The following EFR3A variants were observed in gnomAD, a reference collection of about 807,000 sequenced individuals.
The protein encoded by EFR3A is EFR3 homolog A, also known as protein EFR3 homolog A.
EFR3A carries 76 observed loss-of-function variants against 104.4 expected under a neutral mutation model. That is an observed-to-expected ratio of 0.73 (90% CI 0.60 to 0.88). The LOEUF (loss-of-function observed/expected upper bound fraction) is 0.88, where lower values mean the gene tolerates loss of function less well. Among genes scored for constraint, EFR3A ranks in the 40% least tolerant of loss-of-function variants. The pLI, the probability that EFR3A is intolerant of heterozygous loss-of-function variation, is 0.00. For missense variants in EFR3A, 985 were observed against 1,012.5 expected (o/e 0.97, Z 0.37); for synonymous variants, 330 against 330.0 (o/e 1.00, Z 0.00).
chr8:131,984,963 T>A lies in EFR3A; in HGVS notation c.1772T>A (p.Met591Lys), dbSNP rs1820803091. Residue 591 changes from methionine (M) to lysine (K), a missense_variant, in exon 16 of 23, where the codon ATG (methionine) becomes AAG (lysine). By Grantham distance (95) the Met-to-Lys change is moderately conservative. Coordinates refer to ENST00000254624, the MANE Select transcript of EFR3A (RefSeq NM_015137.6). ...SAIINEDNLP[M>K]FHRCGIMALV... The stretch of plus-strand genomic sequence containing the variant: ...ATTATCAATGAGGATAATTTGCCAA[T>A]GTTCCATCGTTGTGGAATCATGGCA... 1 of 1,613,568 alleles carries A rather than the reference T, an allele frequency of 6.2e-7. No individual in the cohort carries two copies. Among genetic ancestry groups the A allele is most frequent in the Non-Finnish European group, 8.5e-7 (1 of 1,179,594 alleles).
intron 9 of EFR3A, 28 bp downstream of exon 9, chr8:131,968,458 G>A: frequency 6.2e-7 from 1 of 1,609,842 alleles, no homozygotes; most frequent in Non-Finnish European, 8.5e-7. Context: ...AAATAAAATA[G>A]TGCGTTGATC....
Position 131,940,590 on chromosome 8 carries a change from A to G in EFR3A, c.87+15A>G, listed in dbSNP as rs936178817. On this transcript the variant is annotated intron_variant, in intron 2 of 22. Coordinates refer to ENST00000254624, the MANE Select transcript of EFR3A (RefSeq NM_015137.6). ...AAGATCCAAAAGTAATTTGATCTAC[A>G]TCTACTGATCCTTCTCTTTGCTGAC... The G allele has an allele frequency of 3.1e-6, 5 of 1,597,580 alleles. No individual in the cohort carries two copies. The African/African-American group carries it at 4.0e-5, about 13-fold the overall frequency.
In EFR3A at chr8:132,011,034, A is replaced by C; in HGVS notation, c.*139A>C. On this transcript the variant is annotated 3_prime_UTR_variant, in exon 23 of 23. Coordinates refer to ENST00000254624, the MANE Select transcript of EFR3A (RefSeq NM_015137.6). ...ACATATCTTTAACCAAATGTTTGGC[A>C]TACCATATTAGAAGTTTTGGAGCTA... is the stretch of plus-strand genomic sequence containing the variant. 7.7e-7 allele frequency: 1 copy of C among 1,300,936 alleles called. No individual in the cohort carries two copies. The highest frequency in any genetic ancestry group is 2.8e-5 in the South Asian group (1 of 35,898). The allele number at this position is 1,300,936 out of a possible 1,614,324, so 80.6% of individuals were successfully genotyped here.
chr8:131,931,268 T>C (rs561472034), intron 1 of EFR3A, among the ~76,000 whole-genome samples: 1 of 152,302 alleles, frequency 6.6e-6, no homozygotes, highest in South Asian at 2.1e-4. Context: ...ATTGTATTTA[T>C]TCCAAGGCAA....
intron 18 of EFR3A, among the ~76,000 whole-genome samples, chr8:131,991,014 G>A (rs1235226433): frequency 6.6e-6 from 1 of 152,102 alleles, no homozygotes; most frequent in African/African-American, 2.4e-5. Flanking sequence ...TCACACTGCT[G>A]ATAGAGACAT....
intron 10 of EFR3A, among the ~76,000 whole-genome samples, chr8:131,972,401 T>G (rs1820111039): frequency 6.6e-6 from 1 of 151,836 alleles, no homozygotes; most frequent in African/African-American, 2.4e-5. Flanking sequence ...GAGACTAAGA[T>G]CTGGATGCTA....
intron 4 of EFR3A, among the ~76,000 whole-genome samples, chr8:131,948,303 T>G (rs1818533561): frequency 6.6e-6 from 1 of 152,104 alleles, no homozygotes; most frequent in African/African-American, 2.4e-5. Context: ...TCTCCTTGCC[T>G]CGGTTTTTCA....
intron 2 of EFR3A, among the ~76,000 whole-genome samples, chr8:131,941,257 A>G (rs923805922): frequency 2.6e-5 from 4 of 152,054 alleles, no homozygotes; most frequent in African/African-American, 9.7e-5. Flanking sequence ...ACTGGTTTCA[A>G]AGCAACTGGT....
At chr8:131,979,856 ATGAGT>A (rs2130737225) in intron 14 of EFR3A, among the ~76,000 whole-genome samples, 1 of 152,284 alleles carries the variant, frequency 6.6e-6, no homozygotes, top group South Asian at 2.1e-4. Flanking sequence ...GGATATAAAG[ATGAGT>A]TGGGCAGGAT....
chr8:132,013,076 C>G lies in EFR3A; in HGVS notation c.*2181C>G, dbSNP rs920964187. ...ATATCTGCAAGAGATTCTGCAGGAA[C>G]TGGGTGTGCACACGGTGTTGTAGCC... On this transcript the variant is annotated 3_prime_UTR_variant, in exon 23 of 23. Transcript: ENST00000254624. 2.0e-5 allele frequency: 3 copies of G among 152,184 alleles called. No individual in the cohort carries two copies. Among genetic ancestry groups the G allele is most frequent in the Non-Finnish European group, 2.9e-5 (2 of 68,036 alleles). The allele number at this position is 152,184 out of a possible 1,614,324, so 9.4% of individuals were successfully genotyped here.
intron 19 of EFR3A, among the ~76,000 whole-genome samples, chr8:131,998,967 T>C (rs1368760487): frequency 1.3e-5 from 2 of 152,030 alleles, no homozygotes; most frequent in African/African-American, 4.8e-5. Context: ...AACAGAGGCA[T>C]CTCTGTCTCC....
Position 131,987,670 on chromosome 8 carries a change from G to A in EFR3A, c.2033G>A (p.Arg678Lys). Residue 678 changes from arginine (R) to lysine (K), a missense_variant, in exon 18 of 23, where the codon AGA becomes AAA. By Grantham distance (26) the Arg-to-Lys change is conservative. Transcript: ENST00000254624. The part of the protein sequence containing the change: ...SLGGSGYSVE[R>K]LSVPYVPQVT... ...GGTGGAAGTGGATATAGTGTTGAGAGATTGTCAGTTCCGTATGTACCACAA... is the reference window on the plus strand; with the variant it reads ...GGTGGAAGTGGATATAGTGTTGAGAAATTGTCAGTTCCGTATGTACCACAA... 6.3e-7 allele frequency: 1 copy of A among 1,596,662 alleles called. No individual in the cohort carries two copies. The highest frequency in any genetic ancestry group is 1.1e-5 in the South Asian group (1 of 88,170).
At chr8:131,963,332 A>C (rs1451273656) in intron 8 of EFR3A, among the ~76,000 whole-genome samples, 1 of 152,232 alleles carries the variant, frequency 6.6e-6, no homozygotes, top group Non-Finnish European at 1.5e-5. Flanking sequence ...AGCAAGACTA[A>C]TACAGAAGAA....
intron 14 of EFR3A, among the ~76,000 whole-genome samples, chr8:131,981,021 T>TTTTA (rs1343707584): frequency 1.6e-5 from 2 of 126,028 alleles, no homozygotes; most frequent in African/African-American, 5.6e-5. Flanking sequence ...GTATTTCATT[T>TTTTA]TATATATATA....
At chr8:131,998,964 G>A (rs1293401013) in intron 19 of EFR3A, among the ~76,000 whole-genome samples, 5 of 151,824 alleles carry the variant, frequency 3.3e-5, no homozygotes, top group African/African-American at 1.2e-4. Context: ...TAGAACAGAG[G>A]CATCTCTGTC....
At chr8:131,936,039 T>C (rs928514598) in intron 1 of EFR3A, among the ~76,000 whole-genome samples, 5 of 152,028 alleles carry the variant, frequency 3.3e-5, no homozygotes, top group African/African-American at 1.2e-4. Flanking sequence ...ATACTATCAG[T>C]TTCACCTTGA....
At chr8:131,962,013 A>G (rs888755734) in intron 8 of EFR3A, among the ~76,000 whole-genome samples, 6 of 152,326 alleles carry the variant, frequency 3.9e-5, no homozygotes, top group African/African-American at 1.2e-4. Flanking sequence ...AAATGCTGAG[A>G]GATTTTGTCA....
At chr8:131,999,914 A>G (rs1378344786) in intron 19 of EFR3A, among the ~76,000 whole-genome samples, 3 of 152,158 alleles carry the variant, frequency 2.0e-5, no homozygotes, top group African/African-American at 4.8e-5. Context: ...GACTGGAGGT[A>G]GAGGCCAGTT....
intron 15 of EFR3A, 97 bp from the exon 16 acceptor site, chr8:131,984,832 G>A: frequency 1.7e-6 from 2 of 1,166,886 alleles, no homozygotes; most frequent in Non-Finnish European, 2.3e-6. Context: ...ATTTTTGTTA[G>A]CTTTCCAAAC....
Sources: allele counts gnomAD v4.1 joint callset (sites outside exome capture counted in the v4.1 genomes callset), GRCh38; gene constraint gnomAD v4.1.1; transcripts MANE v1.5; gene names NCBI Gene and HGNC (gene_info 2026-07-23, HGNC 2026-07-21).